Variants in SLC6A17 observed in about 807,000 individuals in gnomAD.
The protein encoded by SLC6A17 is sodium-dependent neutral amino acid transporter SLC6A17.
SLC6A17 carries 21 observed loss-of-function variants against 64.5 expected under a neutral mutation model. The observed-to-expected ratio is 0.33, with a 90% CI of 0.23 to 0.47. The LOEUF is 0.47. SLC6A17 is among the 20% of genes least tolerant of loss of function. The pLI is 1.00. For synonymous variants in SLC6A17, 372 were observed against 399.5 expected (o/e 0.93, Z 0.82); for missense variants, 682 against 963.2 (o/e 0.71, Z 3.86).
intron 1 of SLC6A17, among the ~76,000 whole-genome samples, chr1:110,151,772 T>C (rs1655614564): frequency 6.6e-6 from 1 of 152,136 alleles, no homozygotes; most frequent in Non-Finnish European, 1.5e-5. Context: ...TAGAAAATAT[T>C]TTTTGATGCC....
chr1:110,155,659 G>A (rs760443847), intron 1 of SLC6A17, among the ~76,000 whole-genome samples: 2 of 152,124 alleles, frequency 1.3e-5, no homozygotes, highest in Non-Finnish European at 2.9e-5. Context: ...CTGCCTTCCC[G>A]AGCCTACCTA....
At chr1:110,157,317 G>A (rs1421715616) in intron 1 of SLC6A17, among the ~76,000 whole-genome samples, 1 of 152,172 alleles carries the variant, frequency 6.6e-6, no homozygotes, top group African/African-American at 2.4e-5. Context: ...GCTGACACCT[G>A]TAATCCCAGC....
chr1:110,152,037 C>A (rs1426726121), intron 1 of SLC6A17, among the ~76,000 whole-genome samples: 1 of 152,220 alleles, frequency 6.6e-6, no homozygotes, highest in Non-Finnish European at 1.5e-5. Context: ...TAGCGCCTAA[C>A]TGTTAAGGCC....
rs555428239 is a variant in SLC6A17, at chr1:110,172,409, C to T, written c.444+192C>T. On this transcript the variant is annotated intron_variant, in intron 3 of 11. Transcript: ENST00000331565. Reference sequence around the variant, plus strand: ...TCACCATGTTTCCTAAACTGAGAGTCGACCACGTTGCCTGAAACAGCATGG... The same window carrying T: ...TCACCATGTTTCCTAAACTGAGAGTTGACCACGTTGCCTGAAACAGCATGG... 2.1e-4 allele frequency: 149 copies of T among 703,354 alleles called. 3 individuals are homozygous for T. Among genetic ancestry groups the T allele is most frequent in the South Asian group, 1.8e-3 (91 of 49,804 alleles). 43.6% of individuals were successfully genotyped at this position (703,354 alleles called of 1,614,324 possible). A position where few individuals can be genotyped will look rare whatever the true frequency, so the allele number is the denominator to read the frequency against.
chr1:110,200,096 C>T lies in SLC6A17; in HGVS notation c.*1652C>T, dbSNP rs1657083876. 5.0e-6 allele frequency: 2 copies of T among 398,326 alleles called. No homozygotes were observed. Among genetic ancestry groups the T allele is most frequent in the East Asian group, 3.6e-5 (1 of 28,074 alleles). The allele number at this position is 398,326 out of a possible 1,614,324, so 24.7% of individuals were successfully genotyped here. A position where few individuals can be genotyped will look rare whatever the true frequency, so the allele number is the denominator to read the frequency against. The stretch of plus-strand genomic sequence containing the variant: ...CAACCCGGACACCCTCACGAAGGGT[C>T]GCAAGTCACTCTTGTGGCTCAGATT... On this transcript the variant is annotated 3_prime_UTR_variant, in exon 12 of 12. Transcript: ENST00000331565.
chr1:110,161,164 AT>A (rs1655898699), intron 1 of SLC6A17, among the ~76,000 whole-genome samples: 1 of 152,212 alleles, frequency 6.6e-6, no homozygotes, highest in African/African-American at 2.4e-5. Flanking sequence ...AGAGGTTTTA[AT>A]AAAACAATTA....
intron 9 of SLC6A17, 103 bp from the exon 10 acceptor site, chr1:110,195,483 T>C (rs1379498148): frequency 2.1e-6 from 3 of 1,406,550 alleles, no homozygotes; most frequent in South Asian, 1.3e-5. Flanking sequence ...CAGGCATGCT[T>C]TGGGGAGGGA....
At chr1:110,157,730 A>G (rs1296984124) in intron 1 of SLC6A17, among the ~76,000 whole-genome samples, 1 of 152,058 alleles carries the variant, frequency 6.6e-6, no homozygotes, top group African/African-American at 2.4e-5. Flanking sequence ...CTGGACACTC[A>G]CTGTCTTCCT....
chr1:110,184,174 G>A (rs542096100), intron 6 of SLC6A17, among the ~76,000 whole-genome samples: 1 of 152,040 alleles, frequency 6.6e-6, no homozygotes, highest in Non-Finnish European at 1.5e-5. Context: ...GCAGTGGCGT[G>A]ATCTTGGCTC....
At chr1:110,195,796 C>A (rs746993520) in intron 10 of SLC6A17, 51 bp downstream of exon 10, 4 of 1,606,644 alleles carry the variant, frequency 2.5e-6, no homozygotes, top group Admixed American at 1.7e-5. Flanking sequence ...TCTGTCCTAT[C>A]ATGACTCCCT....
At chr1:110,179,556 C>CTCCCA (rs1656464924) in intron 6 of SLC6A17, among the ~76,000 whole-genome samples, 1 of 134,012 alleles carries the variant, frequency 7.5e-6, no homozygotes, top group Non-Finnish European at 1.5e-5. Flanking sequence ...CTCCCCTCCC[C>CTCCCA]TTCCTTTCTT....
In SLC6A17 at chr1:110,198,478, C is replaced by G; in HGVS notation, c.*34C>G. ...CAAGCCCTGCCCGCCTCTCCCCCCA[C>G]GCTCAACCTGCCCACTTGTCCAGGC... On this transcript the variant is annotated 3_prime_UTR_variant, in exon 12 of 12. Coordinates refer to ENST00000331565, the MANE Select transcript of SLC6A17 (RefSeq NM_001010898.4). 6.3e-7 allele frequency: 1 copy of G among 1,575,612 alleles called. No individual in the cohort carries two copies. The highest frequency in any genetic ancestry group is 8.6e-7 in the Non-Finnish European group (1 of 1,159,608).
chr1:110,191,115 T>C (rs1298664098), intron 6 of SLC6A17, among the ~76,000 whole-genome samples: 1 of 152,184 alleles, frequency 6.6e-6, no homozygotes, highest in African/African-American at 2.4e-5. Context: ...TCTATTACTA[T>C]TCCCTTTTCT....
At chr1:110,180,232 G>A (rs962324922) in intron 6 of SLC6A17, among the ~76,000 whole-genome samples, 1 of 152,228 alleles carries the variant, frequency 6.6e-6, no homozygotes, top group Non-Finnish European at 1.5e-5. Context: ...ATGAAAATTG[G>A]TGGCTGAAGG....
intron 9 of SLC6A17, 178 bp downstream of exon 9, chr1:110,194,949 A>G: frequency 1.3e-6 from 1 of 769,836 alleles, no homozygotes; most frequent in South Asian, 1.7e-5. Context: ...AGCCAGGAAG[A>G]GAAAGCTACT....
intron 3 of SLC6A17, chr1:110,172,492 T>G: frequency 2.5e-6 from 1 of 396,220 alleles, no homozygotes. Context: ...TGGGGCCGCC[T>G]GGGACAGCTC....
In SLC6A17 at chr1:110,198,582, C is replaced by T; in HGVS notation, c.*138C>T. ...AAGAGAGGGTCTGCCCTGCCTCACT[C>T]CCCTCTTCAGTCCCAGTAGACTCTG... is the stretch of plus-strand genomic sequence containing the variant. On this transcript the variant is annotated 3_prime_UTR_variant, in exon 12 of 12. Coordinates refer to ENST00000331565, the MANE Select transcript of SLC6A17 (RefSeq NM_001010898.4). 2 of 1,404,406 alleles carry T rather than the reference C, an allele frequency of 1.4e-6. No individual in the cohort carries two copies. The highest frequency in any genetic ancestry group is 1.9e-6 in the Non-Finnish European group (2 of 1,050,550). The allele number at this position is 1,404,406 out of a possible 1,614,324, so 87.0% of individuals were successfully genotyped here.
intron 6 of SLC6A17, among the ~76,000 whole-genome samples, chr1:110,177,350 C>T (rs906560125): frequency 3.3e-5 from 5 of 152,150 alleles, no homozygotes; most frequent in Non-Finnish European, 7.4e-5. Context: ...GCCCGGGGAG[C>T]AAGATGAGCA....
rs1036632598 is a variant in SLC6A17, at chr1:110,201,493, C to T, written c.*3049C>T. 16 of 152,360 alleles carry T rather than the reference C, an allele frequency of 1.1e-4. No individual in the cohort carries two copies. The highest frequency in any genetic ancestry group is 3.6e-4 in the African/African-American group (15 of 41,448). 9.4% of individuals were successfully genotyped at this position (152,360 alleles called of 1,614,324 possible). ...CTGATCCCCTACCTCTGCCTGCCCT[C>T]CAGCCCCATCACCAGCTTCTTGCTC... On this transcript the variant is annotated 3_prime_UTR_variant, in exon 12 of 12. Coordinates refer to ENST00000331565, the MANE Select transcript of SLC6A17 (RefSeq NM_001010898.4).
Sources: gnomAD v4.1 joint callset for allele counts (sites outside exome capture counted in the v4.1 genomes callset) on GRCh38, gnomAD v4.1.1 for gene constraint, MANE v1.5 for transcripts, NCBI Gene and HGNC (gene_info 2026-07-23, HGNC 2026-07-21) for gene names.